The following SNX9 variants were observed in gnomAD, a reference collection of about 807,000 sequenced individuals.
SNX9 encodes the protein sorting nexin-9.
Under a neutral mutation model 89.4 loss-of-function variants are expected in SNX9, and 44 were observed. The observed-to-expected ratio is 0.49, with a 90% CI of 0.39 to 0.63. The LOEUF is 0.63. Ranked by LOEUF, SNX9 falls within the 30% of genes least tolerant of loss-of-function variation. SNX9 has a pLI of 0.00. For missense variants in SNX9, 578 were observed against 736.1 expected (o/e 0.79, Z 2.49); for synonymous variants, 236 against 247.8 (o/e 0.95, Z 0.45).
chr6:157,906,747 A>G (rs992379310), intron 7 of SNX9, among the ~76,000 whole-genome samples: 1 of 152,232 alleles, frequency 6.6e-6, no homozygotes, highest in African/African-American at 2.4e-5. Context: ...TTATTGCATA[A>G]TGTGACACAA....
At position 157,904,469 on chromosome 6, in the gene SNX9, T is replaced by C. The variant is rs1177781765; in HGVS notation, c.621-1659T>C. ...AAAAGGCATCTTGATGATGCTGAAA[T>C]AATTAATACATTGCTGTCCTCAAAT... On this transcript the variant is annotated intron_variant, in intron 6 of 17. Transcript: ENST00000392185. 2.0e-5 allele frequency among the ~76,000 whole-genome samples: 3 copies of C among 151,780 alleles called. No homozygotes were observed. The East Asian group carries it at 5.8e-4, about 30-fold the overall frequency.
intron 2 of SNX9, among the ~76,000 whole-genome samples, chr6:157,870,098 C>T (rs993879128): frequency 6.7e-5 from 10 of 148,744 alleles, no homozygotes; most frequent in Non-Finnish European, 1.5e-4. Context: ...CCCTCATCCG[C>T]ACTCATGCTG....
At chr6:157,897,901 T>G (rs1412648149) in intron 5 of SNX9, among the ~76,000 whole-genome samples, 1 of 152,182 alleles carries the variant, frequency 6.6e-6, no homozygotes, top group Non-Finnish European at 1.5e-5. Context: ...AAGCTTCTAA[T>G]CCTGGCTTGG....
chr6:157,920,104 A>G (rs747846254), intron 9 of SNX9, among the ~76,000 whole-genome samples: 3 of 152,198 alleles, frequency 2.0e-5, no homozygotes, highest in South Asian at 2.1e-4. Context: ...TCCTCTGTCA[A>G]TGTAACTGTA....
In SNX9 at chr6:157,921,672, G is replaced by A; in HGVS notation, c.1080+11G>A. The A allele has an allele frequency of 6.2e-7, 1 of 1,610,016 alleles. No individual in the cohort carries two copies. Among genetic ancestry groups the A allele is most frequent in the Non-Finnish European group, 8.5e-7 (1 of 1,176,934 alleles). ...TTCCGAGATGAGAAGGTAGGACATT[G>A]TGTTAATATGGCATCAGAGAATATT... On this transcript the variant is annotated intron_variant, in intron 10 of 17. Coordinates refer to ENST00000392185, the MANE Select transcript of SNX9 (RefSeq NM_016224.5).
intron 5 of SNX9, among the ~76,000 whole-genome samples, chr6:157,898,648 G>T (rs1192045982): frequency 6.6e-6 from 1 of 152,168 alleles, no homozygotes; most frequent in Non-Finnish European, 1.5e-5. Context: ...TGTGGAATGG[G>T]AAATAATTTG....
chr6:157,932,116 G>A (rs1369186588), intron 12 of SNX9, 79 bp from the exon 13 acceptor site: 3 of 1,249,236 alleles, frequency 2.4e-6, no homozygotes, highest in Non-Finnish European at 2.3e-6. Flanking sequence ...AAAAGTTACT[G>A]TAATCACTTT....
intron 4 of SNX9, among the ~76,000 whole-genome samples, chr6:157,880,299 T>C (rs929759519): frequency 2.0e-5 from 3 of 152,232 alleles, no homozygotes; most frequent in Non-Finnish European, 4.4e-5. Flanking sequence ...ATAAATATTT[T>C]CCTTCTTTTC....
At chr6:157,895,987 G>C (rs1409657879) in intron 4 of SNX9, among the ~76,000 whole-genome samples, 1 of 152,194 alleles carries the variant, frequency 6.6e-6, no homozygotes, top group East Asian at 1.9e-4. Context: ...AAAGTAACCT[G>C]AAGTAAACTG....
rs1784107341 is a variant in SNX9, at chr6:157,944,680, T to G, written c.*1842T>G. 1 of 152,186 alleles carries G rather than the reference T, an allele frequency of 6.6e-6. No homozygotes were observed. Among genetic ancestry groups the G allele is most frequent in the Non-Finnish European group, 1.5e-5 (1 of 68,032 alleles). The allele number at this position is 152,186 out of a possible 1,614,324, so 9.4% of individuals were successfully genotyped here. A position where few individuals can be genotyped will look rare whatever the true frequency, so the allele number is the denominator to read the frequency against. On this transcript the variant is annotated 3_prime_UTR_variant, in exon 18 of 18. Transcript: ENST00000392185. Reference sequence around the variant, plus strand: ...ATCATTTCAGTTCCGTAGGTCAGTGTTGCGGTCCGGGAAGCGTATCATAAC... The same window carrying G: ...ATCATTTCAGTTCCGTAGGTCAGTGGTGCGGTCCGGGAAGCGTATCATAAC...
intron 6 of SNX9, among the ~76,000 whole-genome samples, chr6:157,904,127 A>G (rs1289758338): frequency 6.6e-6 from 1 of 152,192 alleles, no homozygotes; most frequent in East Asian, 1.9e-4. Flanking sequence ...AATTAAATAT[A>G]CTTGAGCACT....
In SNX9 at chr6:157,857,685, C is replaced by T. The variant is rs7760188; in HGVS notation, c.13-9862C>T. 8.8e-3 allele frequency among the ~76,000 whole-genome samples: 1,307 copies of T among 148,900 alleles called. 24 individuals carry two copies. The highest frequency in any genetic ancestry group is 0.03 in the African/African-American group (1,233 of 40,436). ...TTTTTCCATGAAAAAGATTGGGGGC[C>T]ATTCTTGTTTGTTTATATGTCCAAT... On this transcript the variant is annotated intron_variant, in intron 1 of 17. Transcript: ENST00000392185.
At chr6:157,940,110 G>A (rs947575051) in intron 16 of SNX9, among the ~76,000 whole-genome samples, 2 of 152,224 alleles carry the variant, frequency 1.3e-5, no homozygotes, top group Admixed American at 6.5e-5. Context: ...TTCCCGTACT[G>A]AAGAAGGGTC....
Position 157,940,898 on chromosome 6 carries a change from T to A in SNX9, c.1664T>A (p.Phe555Tyr). 1 of 1,614,160 alleles carries A rather than the reference T, an allele frequency of 6.2e-7. No individual in the cohort carries two copies. Among genetic ancestry groups the A allele is most frequent in the Non-Finnish European group, 8.5e-7 (1 of 1,179,996 alleles). The part of the protein sequence containing the change: ...SYALQAEMNH[F>Y]HSNRIYDYNS... ...TGGGTTGTAGCTGAGATGAATCACT[T>A]TCACAGTAACCGGATCTATGATTAC... Residue 555 changes from phenylalanine to tyrosine, a missense_variant, in exon 17 of 18, where the codon TTT becomes TAT. Coordinates refer to ENST00000392185, the MANE Select transcript of SNX9 (RefSeq NM_016224.5).
chr6:157,913,682 A>G (rs1178078815), intron 9 of SNX9, among the ~76,000 whole-genome samples: 5 of 152,096 alleles, frequency 3.3e-5, no homozygotes, highest in Non-Finnish European at 7.4e-5. Flanking sequence ...AACCATGGCA[A>G]CAGCTGATGT....
intron 5 of SNX9, among the ~76,000 whole-genome samples, chr6:157,900,772 AAC>A (rs1246946307): frequency 2.0e-5 from 3 of 152,228 alleles, no homozygotes; most frequent in East Asian, 3.8e-4. Flanking sequence ...TTAAAACAGA[AAC>A]ACAGTCTTTC....
chr6:157,919,868 GGTT>G (rs1783548220), intron 9 of SNX9, among the ~76,000 whole-genome samples: 2 of 151,688 alleles, frequency 1.3e-5, no homozygotes. Context: ...CCTCTCTGAA[GGTT>G]GTTGTTTCTG....
At chr6:157,915,662 C>A (rs1455429208) in intron 9 of SNX9, among the ~76,000 whole-genome samples, 1 of 120,036 alleles carries the variant, frequency 8.3e-6, no homozygotes, top group Non-Finnish European at 1.7e-5. Flanking sequence ...TATATACACA[C>A]ACACACACAA....
intron 13 of SNX9, chr6:157,934,110 A>G (rs963441582): frequency 2.0e-5 from 3 of 152,200 alleles, no homozygotes; most frequent in Non-Finnish European, 4.4e-5. Flanking sequence ...CGATCTTGCA[A>G]TAATGTAAAT....
Sources: gnomAD v4.1 joint callset for allele counts (sites outside exome capture counted in the v4.1 genomes callset) on GRCh38, gnomAD v4.1.1 for gene constraint, MANE v1.5 for transcripts, NCBI Gene and HGNC (gene_info 2026-07-23, HGNC 2026-07-21) for gene names.